The following CHD3 variants were observed in gnomAD, a reference collection of about 807,000 sequenced individuals.
CHD3 encodes the protein chromodomain helicase DNA binding protein 3.
Under a neutral mutation model 248.9 loss-of-function variants are expected in CHD3, and 52 were observed. That is an observed-to-expected ratio of 0.21 (90% CI 0.17 to 0.26). CHD3 has a LOEUF of 0.26. Ranked by LOEUF, CHD3 falls within the 10% of genes least tolerant of loss-of-function variation. The pLI, the probability that CHD3 is intolerant of heterozygous loss-of-function variation, is 1.00. For missense variants in CHD3, 1,482 were observed against 2,605.8 expected, an observed-to-expected ratio of 0.57 and a Z score of 9.39; for synonymous variants, 985 against 985.2, an observed-to-expected ratio of 1.00 and a Z score of 0.00.
upstream of CHD3, among the ~76,000 whole-genome samples, chr17:7,886,990 C>T (rs566221282): frequency 2.3e-3 from 344 of 152,238 alleles, no homozygotes; most frequent in Non-Finnish European, 3.4e-3. This position sits in a 1 kb window ranked among gnomAD's most constrained non-coding sequence, Gnocchi z 4.2. Context: ...GAAAACCCAC[C>T]TCCCCTCTCC....
In CHD3 at chr17:7,911,328, C is replaced by T. The variant is rs1031910086; in HGVS notation, c.5882-136C>T. On this transcript the variant is annotated intron_variant, in intron 39 of 39. Transcript: ENST00000330494. The surrounding 1 kb of genome is among the most constrained non-coding windows in gnomAD (Gnocchi z 5.4). ...GTGGAATCTCAGGGAAAGGGGTTTG[C>T]CCGGGTCTTCCCTCCCTCACGTGGG... 2.2e-6 allele frequency: 3 copies of T among 1,357,536 alleles called. No individual in the cohort carries two copies. The African/African-American group carries it at 4.3e-5, about 20-fold the overall frequency. 84.1% of individuals were successfully genotyped at this position (1,357,536 alleles called of 1,614,324 possible).
upstream of CHD3, chr17:7,884,831 GA>G: frequency 1.0e-6 from 1 of 959,582 alleles, no homozygotes; most frequent in Non-Finnish European, 1.5e-6. Flanking sequence ...GAGGGACGAG[GA>G]GGAGGAGGAG....
Position 7,906,534 on chromosome 17 carries a change from C to A in CHD3, c.4359-19C>A, listed in dbSNP as rs755607305. 6.2e-7 allele frequency: 1 copy of A among 1,613,468 alleles called. No individual in the cohort carries two copies. ...TTCTGTGGCTCCCCTAACCCTCCTC[C>A]CACTCCCATGCTCCTTAGGGCCTAT... On this transcript the variant is annotated intron_variant, in intron 28 of 39. Transcript: ENST00000330494. The surrounding 1 kb of genome is among the most constrained non-coding windows in gnomAD (Gnocchi z 5.0).
Position 7,894,065 on chromosome 17 carries a change from A to AG in CHD3, c.925-47dup, listed in dbSNP as rs761715430. The AG allele has an allele frequency of 2.5e-5, 36 of 1,447,722 alleles. No individual in the cohort carries two copies. In the Admixed American group the frequency reaches 3.9e-4, roughly 16 times the overall value. The allele number at this position is 1,447,722 out of a possible 1,614,324, so 89.7% of individuals were successfully genotyped here. A position where few individuals can be genotyped will look rare whatever the true frequency, so the allele number is the denominator to read the frequency against. On this transcript the variant is annotated intron_variant, in intron 6 of 39. Transcript: ENST00000330494. Reference sequence around the variant, plus strand: ...GGAACAGGAAGCCAAAGGCCTGGGGAGGGCGTAGAATGAAGTCTGCCTCAC... The same window carrying AG: ...GGAACAGGAAGCCAAAGGCCTGGGGAGGGGCGTAGAATGAAGTCTGCCTCAC...
chr17:7,911,461 C>G lies in CHD3; in HGVS notation c.5882-3C>G. ...GATCTTTCCTTACCCCTTTCCCAAA[C>G]AGCCGCCACCAACGGCCCTCCAGTG... On this transcript the variant is annotated splice_polypyrimidine_tract_variant and splice_region_variant and intron_variant, in intron 39 of 39. Coordinates refer to ENST00000330494, the MANE Select transcript of CHD3 (RefSeq NM_001005273.3). This position sits in a 1 kb window ranked among gnomAD's most constrained non-coding sequence, Gnocchi z 5.4. 6.2e-7 allele frequency: 1 copy of G among 1,614,188 alleles called. No individual in the cohort carries two copies. The highest frequency in any genetic ancestry group is 8.5e-7 in the Non-Finnish European group (1 of 1,180,008).
At position 7,904,625 on chromosome 17, in the gene CHD3, G is replaced by T; in HGVS notation, c.4072+6G>T. The T allele has an allele frequency of 6.2e-7, 1 of 1,611,116 alleles. No individual in the cohort carries two copies. The highest frequency in any genetic ancestry group is 8.5e-7 in the Non-Finnish European group (1 of 1,177,672). On this transcript the variant is annotated splice_donor_region_variant and intron_variant, in intron 25 of 39. Coordinates refer to ENST00000330494, the MANE Select transcript of CHD3 (RefSeq NM_001005273.3). This position sits in a 1 kb window ranked among gnomAD's most constrained non-coding sequence, Gnocchi z 4.4. ...TGCTGCTCAGGAAGACCAAGGTGAGGACTGCCCCAGATGCAGGCAGTAAAG... is the reference window on the plus strand; with the variant it reads ...TGCTGCTCAGGAAGACCAAGGTGAGTACTGCCCCAGATGCAGGCAGTAAAG...
At position 7,889,074 on chromosome 17, in the gene CHD3, G is replaced by A. The variant is rs1300939887; in HGVS notation, c.74G>A (p.Gly25Glu). The A allele has an allele frequency of 6.2e-7, 1 of 1,614,136 alleles. No individual in the cohort carries two copies. Among genetic ancestry groups the A allele is most frequent in the Non-Finnish European group, 8.5e-7 (1 of 1,180,048 alleles). Reference sequence around the variant, plus strand: ...CAGCTGAGGATTTCTTTTCCTCCAGGACTGTGTTGGGGTGACAGGATGCCT... The same window carrying A: ...CAGCTGAGGATTTCTTTTCCTCCAGAACTGTGTTGGGGTGACAGGATGCCT... ...NDQLRISFPP[G>E]LCWGDRMPDK... The change falls in exon 1 of 40, where the codon GGA becomes GAA. Residue 25 changes from glycine (G) to glutamate (E), a missense_variant. Physicochemically the swap from Gly to Glu is moderately conservative, Grantham distance 98. This residue lies in a region of CHD3 where 169 missense variants were observed against 168.1 expected (regional missense o/e 1.01). Transcript: ENST00000330494. The surrounding 1 kb of genome is among the most constrained non-coding windows in gnomAD (Gnocchi z 4.5).
Position 7,908,529 on chromosome 17 carries a change from G to T in CHD3, c.5261+19G>T. 6.3e-7 allele frequency: 1 copy of T among 1,594,142 alleles called. No homozygotes were observed. The highest frequency in any genetic ancestry group is 8.6e-7 in the Non-Finnish European group (1 of 1,164,452). ...TTGTCCTGTATCCTTTGATACACAT[G>T]CAAGAAGGAAAAGGTTCTCTCAAGC... On this transcript the variant is annotated intron_variant, in intron 35 of 39. Transcript: ENST00000330494. This position sits in a 1 kb window ranked among gnomAD's most constrained non-coding sequence, Gnocchi z 5.8.
chr17:7,912,458 G>A lies in CHD3; in HGVS notation c.*873G>A, dbSNP rs1598022410. 1 of 152,186 alleles carries A rather than the reference G, an allele frequency of 6.6e-6. No individual in the cohort carries two copies. Among genetic ancestry groups the A allele is most frequent in the African/African-American group, 2.4e-5 (1 of 41,394 alleles). The allele number at this position is 152,186 out of a possible 1,614,324, so 9.4% of individuals were successfully genotyped here. A position where few individuals can be genotyped will look rare whatever the true frequency, so the allele number is the denominator to read the frequency against. On this transcript the variant is annotated 3_prime_UTR_variant, in exon 40 of 40. Transcript: ENST00000330494. ...CCTCCCTCCTCAAGGCCTGGATACA[G>A]ACTAAATTTGTATAAGTCAGGCAGG...
intron 13 of CHD3, 86 bp from the exon 14 acceptor site, chr17:7,898,925 T>A: frequency 8.4e-7 from 1 of 1,197,466 alleles, no homozygotes; most frequent in Non-Finnish European, 1.2e-6. Context: ...GTAATCCAAC[T>A]TGGTATCCAT....
At position 7,888,808 on chromosome 17, in the gene CHD3, C is replaced by T; in HGVS notation, c.-193C>T. On this transcript the variant is annotated 5_prime_UTR_variant, in exon 1 of 40. Transcript: ENST00000330494. ...GTGCCTATATCTTTGTTTGGGTCTC[C>T]CATACTGCGTATAGATGAATGGGTC... 1 of 1,432,722 alleles carries T rather than the reference C, an allele frequency of 7.0e-7. No individual in the cohort carries two copies. The highest frequency in any genetic ancestry group is 9.1e-7 in the Non-Finnish European group (1 of 1,098,120). 88.8% of individuals were successfully genotyped at this position (1,432,722 alleles called of 1,614,324 possible). A position where few individuals can be genotyped will look rare whatever the true frequency, so the allele number is the denominator to read the frequency against.
Position 7,894,955 on chromosome 17 carries a change from A to G in CHD3, c.1308A>G (p.Glu436=), listed in dbSNP as rs1969439308. The G allele has an allele frequency of 6.2e-7, 1 of 1,613,520 alleles. No individual in the cohort carries two copies. Among genetic ancestry groups the G allele is most frequent in the Non-Finnish European group, 8.5e-7 (1 of 1,179,740 alleles). ...EGVQWEAKEE[E]EEYEEEGEEE... ...TCCAGTGGGAGGCCAAGGAGGAAGAAGAAGAATACGAAGAGGAGGGAGAGG... is the reference window on the plus strand; with the variant it reads ...TCCAGTGGGAGGCCAAGGAGGAAGAGGAAGAATACGAAGAGGAGGGAGAGG... Residue 436 remains glutamate (E), a synonymous_variant, in exon 9 of 40, where the codon GAA becomes GAG. Transcript: ENST00000330494.
chr17:7,898,470 C>G (rs1055564668), intron 12 of CHD3, 26 bp from the exon 13 acceptor site: 2 of 1,559,574 alleles, frequency 1.3e-6, no homozygotes, highest in South Asian at 2.2e-5. Context: ...AGGATGAGGC[C>G]TCATTCAGAC....
intron 21 of CHD3, 66 bp from the exon 22 acceptor site, chr17:7,902,871 C>T (rs1353195064): frequency 6.3e-7 from 1 of 1,596,780 alleles, no homozygotes; most frequent in Non-Finnish European, 8.6e-7. Flanking sequence ...CATCAGAGAA[C>T]ATCTAGGAGC....
chr17:7,885,541 C>T (rs1418508424), upstream of CHD3, among the ~76,000 whole-genome samples: 1 of 151,126 alleles, frequency 6.6e-6, no homozygotes, highest in Non-Finnish European at 1.5e-5. Context: ...GGCCGGACGG[C>T]GGCGTGGGGG....
chr17:7,890,260 G>A (rs542675962), intron 2 of CHD3, among the ~76,000 whole-genome samples: 17 of 152,044 alleles, frequency 1.1e-4, no homozygotes, highest in Non-Finnish European at 1.9e-4. Context: ...GTGAAACTCC[G>A]TCTCTACTAA....
chr17:7,884,898 A>C, upstream of CHD3: 1 of 1,342,830 alleles, frequency 7.4e-7, no homozygotes, highest in Non-Finnish European at 9.8e-7. Context: ...GGCGACGAGG[A>C]GGAGGAGGAG....
At chr17:7,890,537 A>G in intron 2 of CHD3, 34 bp from the exon 3 acceptor site, 1 of 1,438,472 alleles carries the variant, frequency 7.0e-7, no homozygotes, top group Non-Finnish European at 9.4e-7. Context: ...AATGGTAGGG[A>G]TGAATAAATG....
chr17:7,910,146 C>T lies in CHD3; in HGVS notation c.5591-282C>T. On this transcript the variant is annotated intron_variant, in intron 37 of 39. Transcript: ENST00000330494. The surrounding 1 kb of genome is among the most constrained non-coding windows in gnomAD (Gnocchi z 4.7). ...TTCCAATGTCCCCCCATCTTCCTTT[C>T]CTCCATGCTCCCTTTTTCTTTCTTC... 3.0e-6 allele frequency: 1 copy of T among 335,392 alleles called. No individual in the cohort carries two copies. Among genetic ancestry groups the T allele is most frequent in the Non-Finnish European group, 5.6e-6 (1 of 178,210 alleles). 20.8% of individuals were successfully genotyped at this position (335,392 alleles called of 1,614,324 possible).
Sources: allele counts gnomAD v4.1 joint callset (sites outside exome capture counted in the v4.1 genomes callset), GRCh38; gene constraint gnomAD v4.1.1; regional missense constraint gnomAD v4.1.1; non-coding constraint Gnocchi (gnomAD v3.1); transcripts MANE v1.5; gene names NCBI Gene and HGNC (gene_info 2026-07-23, HGNC 2026-07-21).